Variants in LGSN observed in about 807,000 individuals in gnomAD.
LGSN encodes the protein lengsin.
Under a neutral mutation model 19.5 loss-of-function variants are expected in LGSN, and 21 were observed. The ratio of observed to expected loss-of-function variants is 1.07; its 90% CI spans 0.76 to 1.55. The LOEUF (loss-of-function observed/expected upper bound fraction) is 1.55. Ranked by LOEUF, LGSN falls within the 40% of genes most tolerant of loss-of-function variation. The pLI is 0.00. For missense variants in LGSN, 673 were observed against 608.5 expected, an observed-to-expected ratio of 1.11 and a Z score of -1.12; for synonymous variants, 257 against 215.6, an observed-to-expected ratio of 1.19 and a Z score of -1.68.
the LGSN span, among the ~76,000 whole-genome samples, chr6:63,436,072 A>ACTTT: frequency 6.6e-6 from 1 of 152,130 alleles, no homozygotes; most frequent in Admixed American, 6.6e-5. Context: ...TTCACACCTT[A>ACTTT]CTTTCTTTAA....
At chr6:63,491,663 T>C in the LGSN span, among the ~76,000 whole-genome samples, 1 of 152,212 alleles carries the variant, frequency 6.6e-6, no homozygotes, top group African/African-American at 2.4e-5. Context: ...CTAATTGCAA[T>C]AGATGAGTTT....
At chr6:63,386,821 G>T in the LGSN span, among the ~76,000 whole-genome samples, 2 of 152,054 alleles carry the variant, frequency 1.3e-5, no homozygotes, top group African/African-American at 2.4e-5. Flanking sequence ...AATAAGGGGC[G>T]GGCATGGTGA....
chr6:63,372,020 T>A, the LGSN span, among the ~76,000 whole-genome samples: 1 of 152,222 alleles, frequency 6.6e-6, no homozygotes, highest in Non-Finnish European at 1.5e-5. Flanking sequence ...TTGCTTCCAA[T>A]CTGGGTCTTC....
chr6:63,410,543 T>C, the LGSN span, among the ~76,000 whole-genome samples: 3 of 151,936 alleles, frequency 2.0e-5, no homozygotes, highest in Non-Finnish European at 4.4e-5. Context: ...CCAATAAAAG[T>C]TTTTCAGTTG....
rs765436480 is a variant in LGSN at position 63,285,634 on chromosome 6, G to A, written c.283C>T (p.Leu95Phe). Residue 95 changes from leucine to phenylalanine, a missense_variant, in exon 3 of 4, where the codon CTC (leucine) becomes TTC (phenylalanine). By Grantham distance (22) the Leu-to-Phe change is conservative. Transcript: ENST00000370657. ...LQFVRFEATD[L>F]HGVSRSKTIP... ...GTCTTAGACCTGGACACGCCGTGGA[G>A]GTCTGTTGCTTCAAATCGTACAAAC... is the stretch of plus-strand genomic sequence containing the variant. 4 of 1,614,018 alleles carry A rather than the reference G, an allele frequency of 2.5e-6. No individual in the cohort carries two copies. The highest frequency in any genetic ancestry group is 3.4e-6 in the Non-Finnish European group (4 of 1,179,964).
chr6:63,425,261 C>A, the LGSN span, among the ~76,000 whole-genome samples: 1 of 152,306 alleles, frequency 6.6e-6, no homozygotes, highest in African/African-American at 2.4e-5. Context: ...CAACTGTATC[C>A]CTAGGCACTT....
At chr6:63,455,420 G>A in the LGSN span, among the ~76,000 whole-genome samples, 7 of 152,272 alleles carry the variant, frequency 4.6e-5, no homozygotes, top group African/African-American at 9.6e-5. Context: ...ATAAATTCTC[G>A]TAAAACAACT....
the LGSN span, among the ~76,000 whole-genome samples, chr6:63,505,565 A>AAAAGAAAGAAAGAGAAAGAAAG: frequency 6.8e-5 from 4 of 58,648 alleles, 1 homozygote; most frequent in African/African-American, 3.5e-4. Flanking sequence ...AAAAAAAAAA[A>AAAAGAAAGAAAGAGAAAGAAAG]AAAGAAAGAA....
chr6:63,441,849 C>T, the LGSN span: 3 of 296,322 alleles, frequency 1.0e-5, no homozygotes, highest in African/African-American at 2.3e-5. Flanking sequence ...GCGCTGGTTG[C>T]TTGTCAGGTG....
At chr6:63,450,277 G>A in the LGSN span, among the ~76,000 whole-genome samples, 2 of 150,370 alleles carry the variant, frequency 1.3e-5, no homozygotes, top group East Asian at 1.9e-4. Flanking sequence ...CAGGAGAATC[G>A]CTTGAACCTG....
chr6:63,451,474 G>A, the LGSN span, among the ~76,000 whole-genome samples: 1 of 152,190 alleles, frequency 6.6e-6, no homozygotes, highest in African/African-American at 2.4e-5. Flanking sequence ...ATTATCCTTA[G>A]CAAACTAATG....
At chr6:63,562,916 C>G in the LGSN span, among the ~76,000 whole-genome samples, 1 of 152,204 alleles carries the variant, frequency 6.6e-6, no homozygotes, top group Non-Finnish European at 1.5e-5. Context: ...CCTATACATT[C>G]AGCACCATAG....
chr6:63,542,127 C>G, the LGSN span, among the ~76,000 whole-genome samples: 833 of 151,532 alleles, frequency 5.5e-3, 1 homozygote, highest in African/African-American at 0.018. Flanking sequence ...TCACAGCAAC[C>G]TGGATGACAT....
At chr6:63,438,885 C>T in the LGSN span, among the ~76,000 whole-genome samples, 1 of 152,090 alleles carries the variant, frequency 6.6e-6, no homozygotes, top group African/African-American at 2.4e-5. Context: ...AATCATGCTG[C>T]TATAAAGACA....
At chr6:63,512,597 T>C in the LGSN span, among the ~76,000 whole-genome samples, 1 of 152,184 alleles carries the variant, frequency 6.6e-6, no homozygotes, top group South Asian at 2.1e-4. Flanking sequence ...AAGTCATTCA[T>C]TGTGCAAAGG....
At chr6:63,369,046 C>T in the LGSN span, among the ~76,000 whole-genome samples, 4 of 152,160 alleles carry the variant, frequency 2.6e-5, no homozygotes, top group East Asian at 5.8e-4. Flanking sequence ...GAGGGTATGT[C>T]TTTAAATCTG....
the LGSN span, among the ~76,000 whole-genome samples, chr6:63,477,966 C>T: frequency 1.2e-4 from 18 of 151,936 alleles, no homozygotes; most frequent in African/African-American, 3.6e-4. Flanking sequence ...CCTCCTCCCC[C>T]TACTCATCTT....
In LGSN at chr6:63,280,124, A is replaced by T. The variant is rs1490295810; in HGVS notation, c.1427T>A (p.Leu476Gln). 3 of 1,614,258 alleles carry T rather than the reference A, an allele frequency of 1.9e-6. No homozygotes were observed. The Admixed American group carries it at 5.0e-5, about 27-fold the overall frequency. The change falls in exon 4 of 4, where the codon CTA (leucine) becomes CAA (glutamine). Residue 476 changes from leucine (L) to glutamine (Q), a missense_variant. By Grantham distance (113) the Leu-to-Gln change is moderately radical. Transcript: ENST00000370657. ...LEEDQCLRQA[L>Q]GETFIRYFVA... ...AAAATATCGAATAAAGGTTTCTCCT[A>T]GAGCCTGTCTCAGGCATTGATCTTC...
intron 1 of LGSN, among the ~76,000 whole-genome samples, chr6:63,318,686 T>C (rs1321416648): frequency 6.6e-6 from 1 of 152,124 alleles, no homozygotes; most frequent in Non-Finnish European, 1.5e-5. Context: ...TGGTCTAGAC[T>C]GGTCTTGAGG....
Sources: gnomAD v4.1 joint callset for allele counts (sites outside exome capture counted in the v4.1 genomes callset) on GRCh38, gnomAD v4.1.1 for gene constraint, MANE v1.5 for transcripts, NCBI Gene and HGNC (gene_info 2026-07-23, HGNC 2026-07-21) for gene names.